The following MAPK8IP3 variants were observed in gnomAD, a reference collection of about 807,000 sequenced individuals.
The protein encoded by MAPK8IP3 is mitogen-activated protein kinase 8 interacting protein 3.
In MAPK8IP3, 49 loss-of-function variants were observed where a neutral mutation model predicts 157.8. The observed-to-expected ratio is 0.31, with a 90% CI of 0.25 to 0.39. MAPK8IP3 has a LOEUF of 0.39. Ranked by LOEUF, MAPK8IP3 falls within the 10% of genes least tolerant of loss-of-function variation. MAPK8IP3 has a pLI of 1.00. For missense variants in MAPK8IP3, 1,478 were observed against 1,889.4 expected, an observed-to-expected ratio of 0.78 and a Z score of 4.04; for synonymous variants, 897 against 777.7, an observed-to-expected ratio of 1.15 and a Z score of -2.55.
chr16:1,727,356 G>A (rs143280636), intron 2 of MAPK8IP3, among the ~76,000 whole-genome samples: 29 of 152,258 alleles, frequency 1.9e-4, no homozygotes, highest in Middle Eastern at 6.8e-3. Context: ...TGTGTGCAGC[G>A]TCTGTGAGCC....
At chr16:1,757,754 C>T (rs528460081) in intron 8 of MAPK8IP3, among the ~76,000 whole-genome samples, 5 of 152,220 alleles carry the variant, frequency 3.3e-5, no homozygotes, top group Non-Finnish European at 5.9e-5. Flanking sequence ...CTCTCTCCCT[C>T]GCCCACGCTG....
intron 4 of MAPK8IP3, among the ~76,000 whole-genome samples, chr16:1,738,461 ACCGT>A (rs1309352776): frequency 7.1e-5 from 6 of 84,434 alleles, no homozygotes; most frequent in East Asian, 3.9e-4. Flanking sequence ...AGCATGTGTG[ACCGT>A]CCGTGTGAGC....
intron 5 of MAPK8IP3, chr16:1,745,034 G>C (rs1416266710): frequency 1.0e-5 from 10 of 985,256 alleles, no homozygotes; most frequent in Non-Finnish European, 1.2e-5. Flanking sequence ...TAAGAGTTTG[G>C]GTTCTTTCAG....
At chr16:1,739,175 C>T in intron 4 of MAPK8IP3, among the ~76,000 whole-genome samples, 1 of 116,192 alleles carries the variant, frequency 8.6e-6, no homozygotes, top group Admixed American at 1.1e-4. Flanking sequence ...TGTGACCATC[C>T]ATGTGAGCAT....
chr16:1,731,285 C>T (rs1367200961), intron 4 of MAPK8IP3, among the ~76,000 whole-genome samples: 1 of 151,646 alleles, frequency 6.6e-6, no homozygotes, highest in South Asian at 2.1e-4. Context: ...GCCAAGATTG[C>T]GCACTGCACT....
chr16:1,755,749 A>T (rs2041556871), intron 8 of MAPK8IP3, among the ~76,000 whole-genome samples: 1 of 151,680 alleles, frequency 6.6e-6, no homozygotes. Flanking sequence ...CAGAAGACTA[A>T]GGCAAGTGAA....
chr16:1,767,342 G>A (rs2042331733), intron 26 of MAPK8IP3, 45 bp downstream of exon 26: 1 of 1,608,832 alleles, frequency 6.2e-7, no homozygotes, highest in Non-Finnish European at 8.5e-7. Context: ...GGCTCCTGCT[G>A]GCCAGCAGCT....
At chr16:1,749,356 G>A (rs2041161741) in intron 8 of MAPK8IP3, among the ~76,000 whole-genome samples, 1 of 152,164 alleles carries the variant, frequency 6.6e-6, no homozygotes, top group African/African-American at 2.4e-5. Context: ...TCTCCAGGAG[G>A]TTGGGAGGGT....
intron 1 of MAPK8IP3, among the ~76,000 whole-genome samples, chr16:1,723,209 T>G (rs944585643): frequency 1.3e-5 from 2 of 151,672 alleles, no homozygotes; most frequent in African/African-American, 2.4e-5. Flanking sequence ...AATTTTTGTA[T>G]TTTTTAGTAG....
intron 2 of MAPK8IP3, among the ~76,000 whole-genome samples, chr16:1,726,933 G>A (rs890511492): frequency 1.1e-4 from 16 of 152,242 alleles, no homozygotes; most frequent in African/African-American, 3.9e-4. Flanking sequence ...TTACATGTGT[G>A]CAGCGTGCAG....
rs1455832080 is a variant in MAPK8IP3, at chr16:1,706,437, C to T, written c.98C>T (p.Ala33Val). Residue 33 changes from alanine (A) to valine (V), a missense_variant, in exon 1 of 32, where the codon GCG becomes GTG. This residue lies in a region of MAPK8IP3 where 65 missense variants were observed against 161.8 expected (regional missense o/e 0.40). Transcript: ENST00000610761. The surrounding 1 kb of genome is among the most constrained non-coding windows in gnomAD (Gnocchi z 5.1). ...SVMSERVSGL[A>V]GSIYREFERL... is the part of the protein sequence containing the mutation. ...ATGTCGGAGCGGGTGTCGGGCCTGGCGGGCTCCATCTACCGCGAGTTCGAG... is the reference window on the plus strand; with the variant it reads ...ATGTCGGAGCGGGTGTCGGGCCTGGTGGGCTCCATCTACCGCGAGTTCGAG... 2.5e-6 allele frequency: 4 copies of T among 1,613,800 alleles called. No homozygotes were observed. Among genetic ancestry groups the T allele is most frequent in the Admixed American group, 1.7e-5 (1 of 60,022 alleles).
rs572840788 is a variant in MAPK8IP3, at chr16:1,767,674, T to C, written c.3348T>C (p.His1116=). The change falls in exon 27 of 32, where the codon CAT becomes CAC. Residue 1116 remains histidine (H), a synonymous_variant. Coordinates refer to ENST00000610761, the MANE Select transcript of MAPK8IP3 (RefSeq NM_001318852.2). ...IRLDSTLRLY[H]AHTHQHLQDV... ...TGGACTCCACCCTGAGGCTCTACCA[T>C]GCACACACGCACCAGCATCTACAGG... 167 of 1,612,728 alleles carry C rather than the reference T, an allele frequency of 1.0e-4. No individual in the cohort carries two copies. In the South Asian group the frequency reaches 1.7e-3, roughly 17 times the overall value.
At chr16:1,718,752 C>T (rs1050010797) in intron 1 of MAPK8IP3, among the ~76,000 whole-genome samples, 1 of 151,032 alleles carries the variant, frequency 6.6e-6, no homozygotes, top group Non-Finnish European at 1.5e-5. Flanking sequence ...AAGATCGCAC[C>T]ACTGCACACC....
intron 5 of MAPK8IP3, chr16:1,744,709 C>T: frequency 5.1e-6 from 5 of 985,530 alleles, no homozygotes; most frequent in Non-Finnish European, 6.0e-6. Flanking sequence ...CTCCGGGCTG[C>T]CTCTCGCGCC....
chr16:1,725,808 C>A (rs959008245), intron 2 of MAPK8IP3, among the ~76,000 whole-genome samples: 9 of 151,914 alleles, frequency 5.9e-5, no homozygotes, highest in Non-Finnish European at 1.3e-4. Flanking sequence ...AGTGATTCTC[C>A]TGCCTCAGCT....
chr16:1,766,753 G>T lies in MAPK8IP3; in HGVS notation c.2970G>T (p.Trp990Cys), dbSNP rs2042286789. 6.2e-7 allele frequency: 1 copy of T among 1,612,770 alleles called. No individual in the cohort carries two copies. The highest frequency in any genetic ancestry group is 1.3e-5 in the African/African-American group (1 of 74,930). ...ATGTGCACTCGGCTGTGGCCAACTG[G>T]AAGAAGTGCCTGCACTCCATCAAGC... ...WLYVHSAVAN[W>C]KKCLHSIKLK... The change falls in exon 24 of 32, where the codon TGG becomes TGT. Residue 990 changes from tryptophan (W) to cysteine (C), a missense_variant. Trp to Cys is a radical substitution (Grantham distance 215). Coordinates refer to ENST00000610761, the MANE Select transcript of MAPK8IP3 (RefSeq NM_001318852.2).
intron 8 of MAPK8IP3, among the ~76,000 whole-genome samples, chr16:1,753,289 C>T (rs1337273742): frequency 2.6e-5 from 4 of 152,016 alleles, no homozygotes; most frequent in African/African-American, 7.3e-5. Context: ...TTTGTTCGTT[C>T]GTTTGTTTCC....
rs569332058 is a variant in MAPK8IP3 at position 1,729,561 on chromosome 16, C to T, written c.585C>T (p.Ser195=). ...TCGGAGGAAACAGCCAGACCGAGAG[C>T]AGCCTGCCGGGGCGGAGGTACGCGG... The part of the protein sequence containing the change: ...QQVGGNSQTE[S]SLPGRSRKER... Residue 195 remains serine, a synonymous_variant, in exon 4 of 32, where the codon AGC becomes AGT. Transcript: ENST00000610761. 6.8e-6 allele frequency: 11 copies of T among 1,607,772 alleles called. No individual in the cohort carries two copies. The East Asian group carries it at 2.5e-4, about 36-fold the overall frequency.
intron 8 of MAPK8IP3, among the ~76,000 whole-genome samples, chr16:1,757,011 C>T (rs900692851): frequency 1.3e-5 from 2 of 151,766 alleles, no homozygotes; most frequent in East Asian, 1.9e-4. Flanking sequence ...CCTGGGAAGC[C>T]GAGATGAGAG....
Sources: allele counts gnomAD v4.1 joint callset (sites outside exome capture counted in the v4.1 genomes callset), GRCh38; gene constraint gnomAD v4.1.1; regional missense constraint gnomAD v4.1.1; non-coding constraint Gnocchi (gnomAD v3.1); transcripts MANE v1.5; gene names NCBI Gene and HGNC (gene_info 2026-07-23, HGNC 2026-07-21).